The following NLGN1 variants were observed in gnomAD, a reference collection of about 807,000 sequenced individuals.
The protein encoded by NLGN1 is neuroligin-1.
NLGN1 carries 12 observed loss-of-function variants against 65.5 expected under a neutral mutation model. That is an observed-to-expected ratio of 0.18 (90% CI 0.12 to 0.30). The LOEUF (loss-of-function observed/expected upper bound fraction) is 0.30, where lower values mean the gene tolerates loss of function less well. Among genes scored for constraint, NLGN1 ranks in the 10% least tolerant of loss-of-function variants. NLGN1 has a pLI of 1.00. For synonymous variants in NLGN1, 350 were observed against 359.5 expected (o/e 0.97, Z 0.30); for missense variants, 750 against 1,007.1 (o/e 0.74, Z 3.46).
chr3:174,099,452 C>A (rs973563939), intron 4 of NLGN1, among the ~76,000 whole-genome samples: 1 of 152,120 alleles, frequency 6.6e-6, no homozygotes, highest in Non-Finnish European at 1.5e-5. Context: ...TTTAACAATG[C>A]CCCAGTTTCA....
chr3:174,291,758 G>T, the NLGN1 span, among the ~76,000 whole-genome samples: 1 of 151,046 alleles, frequency 6.6e-6, no homozygotes, highest in African/African-American at 2.4e-5. Context: ...ACCAGAAAAA[G>T]ACCTGTAGAC....
At chr3:173,881,717 C>T (rs911766982) in intron 4 of NLGN1, among the ~76,000 whole-genome samples, 1 of 152,090 alleles carries the variant, frequency 6.6e-6, no homozygotes, top group Admixed American at 6.6e-5. Context: ...AATTCTAGTT[C>T]TTGTTCTATT....
Position 173,570,838 on chromosome 3 carries a change from G to A in NLGN1, c.-320-33441G>A, listed in dbSNP as rs538263491. Reference sequence around the variant, plus strand: ...TGTAACTCGGCCTCCTGAGTAGCTGGGATTACAGGTGTATGCCACCAAGCT... The same window carrying A: ...TGTAACTCGGCCTCCTGAGTAGCTGAGATTACAGGTGTATGCCACCAAGCT... On this transcript the variant is annotated intron_variant, in intron 2 of 6. Coordinates refer to ENST00000457714, the Ensembl canonical transcript of NLGN1. Among the ~76,000 whole-genome samples the A allele has an allele frequency of 7.2e-5, 11 of 152,150 alleles. No homozygotes were observed. The East Asian group carries it at 1.9e-3, about 27-fold the overall frequency.
chr3:173,442,662 A>G lies in NLGN1; in HGVS notation c.-321+7584A>G, dbSNP rs56323414. On this transcript the variant is annotated intron_variant, in intron 2 of 6. Transcript: ENST00000457714. ...AAACAACTCTAAAATTATTTTCAAG[A>G]TTATATTAAAATATTAACTTTTGAA... 2.5e-3 allele frequency among the ~76,000 whole-genome samples: 379 copies of G among 152,294 alleles called. 3 individuals are homozygous for G. Among genetic ancestry groups the G allele is most frequent in the African/African-American group, 8.9e-3 (368 of 41,580 alleles).
chr3:173,977,303 G>A (rs1361702768), intron 4 of NLGN1, among the ~76,000 whole-genome samples: 3 of 151,792 alleles, frequency 2.0e-5, no homozygotes, highest in Non-Finnish European at 2.9e-5. Context: ...AAATAGGAGG[G>A]GGAAACATGT....
chr3:174,203,285 A>G (rs1374884695), intron 4 of NLGN1, among the ~76,000 whole-genome samples: 1 of 152,194 alleles, frequency 6.6e-6, no homozygotes, highest in African/African-American at 2.4e-5. Context: ...TTTCCTGCAA[A>G]AAGAGATGTT....
intron 4 of NLGN1, among the ~76,000 whole-genome samples, chr3:174,052,739 G>A (rs73880326): frequency 0.024 from 3,663 of 151,978 alleles, 160 homozygotes; most frequent in African/African-American, 0.083. Flanking sequence ...CAGTATTTGC[G>A]TTCTGTGTCA....
rs192120772 is a variant in NLGN1 at position 173,845,599 on chromosome 3, G to A, written c.646+37767G>A. On this transcript the variant is annotated intron_variant, in intron 4 of 6. Coordinates refer to ENST00000457714, the Ensembl canonical transcript of NLGN1. ...GGGTAGATGGATAGACAGATAGGTA[G>A]GTGGATGGATAGATAGATAGATAGA... Among the ~76,000 whole-genome samples the A allele has an allele frequency of 2.1e-5, 3 of 143,216 alleles. No individual in the cohort carries two copies. In the East Asian group the frequency reaches 6.2e-4, roughly 29 times the overall value. The allele number at this position is 143,216 out of a possible 152,430, so 94.0% of individuals were successfully genotyped here.
intron 3 of NLGN1, among the ~76,000 whole-genome samples, chr3:173,801,582 A>G (rs1428432763): frequency 2.0e-5 from 3 of 152,060 alleles, no homozygotes; most frequent in Non-Finnish European, 4.4e-5. Flanking sequence ...ACAACAGATA[A>G]TTAAATTACA....
chr3:174,181,766 A>C (rs2152747195), intron 4 of NLGN1, among the ~76,000 whole-genome samples: 1 of 116,628 alleles, frequency 8.6e-6, no homozygotes, highest in East Asian at 2.3e-4. Context: ...CTGTCTCTCC[A>C]AAAAATAAAA....
At chr3:173,602,852 T>C (rs1750764140) in intron 2 of NLGN1, among the ~76,000 whole-genome samples, 1 of 152,086 alleles carries the variant, frequency 6.6e-6, no homozygotes, top group African/African-American at 2.4e-5. Context: ...TTTGTGTAGC[T>C]GAATCTTCGA....
chr3:174,127,887 C>T (rs1420121304), intron 4 of NLGN1, among the ~76,000 whole-genome samples: 1 of 152,018 alleles, frequency 6.6e-6, no homozygotes, highest in Non-Finnish European at 1.5e-5. Context: ...GTATAGTGAG[C>T]CTGGTTGTCT....
chr3:173,589,643 A>G (rs1748111027), intron 2 of NLGN1, among the ~76,000 whole-genome samples: 1 of 152,204 alleles, frequency 6.6e-6, no homozygotes. Context: ...CACTTTCTAT[A>G]AAGAGTAAAT....
intron 3 of NLGN1, among the ~76,000 whole-genome samples, chr3:173,682,511 C>T (rs1419164277): frequency 5.3e-5 from 8 of 150,134 alleles, no homozygotes; most frequent in Non-Finnish European, 8.8e-5. Context: ...ATCGCTTGAA[C>T]CCAGGAGGTG....
chr3:173,735,022 A>C (rs1171250740), intron 3 of NLGN1, among the ~76,000 whole-genome samples: 1 of 152,092 alleles, frequency 6.6e-6, no homozygotes, highest in African/African-American at 2.4e-5. Flanking sequence ...TTAATGCAGT[A>C]TTTGTCAGTT....
At chr3:174,131,542 AT>A in intron 4 of NLGN1, among the ~76,000 whole-genome samples, 2 of 152,316 alleles carry the variant, frequency 1.3e-5, no homozygotes, top group South Asian at 4.1e-4. Context: ...TAATGATAAT[AT>A]TAATAGCAAT....
At chr3:173,897,810 GTCATGAACATCTACCAC>G (rs1736594514) in intron 4 of NLGN1, among the ~76,000 whole-genome samples, 1 of 152,106 alleles carries the variant, frequency 6.6e-6, no homozygotes, top group African/African-American at 2.4e-5. Flanking sequence ...TTCTCTCCTT[GTCATGAACATCTACCAC>G]TCATGTTACA....
chr3:173,597,373 A>T (rs566166889), intron 2 of NLGN1, among the ~76,000 whole-genome samples: 2 of 152,330 alleles, frequency 1.3e-5, no homozygotes, highest in South Asian at 4.1e-4. Flanking sequence ...AAGTGACATG[A>T]ACTATGTAAA....
intron 4 of NLGN1, chr3:174,202,796 C>T (rs539561412): frequency 2.0e-5 from 3 of 152,102 alleles, no homozygotes; most frequent in East Asian, 1.9e-4. Context: ...GAATAAATAT[C>T]GCAGCAGTAA....
Sources: allele counts gnomAD v4.1 joint callset (sites outside exome capture counted in the v4.1 genomes callset), GRCh38; gene constraint gnomAD v4.1.1; transcripts MANE v1.5; gene names NCBI Gene and HGNC (gene_info 2026-07-23, HGNC 2026-07-21).